ERBIN: variants seen among roughly 807,000 people sequenced by gnomAD.
ERBIN encodes densin-180-like protein.
In ERBIN, 60 loss-of-function variants were observed where a neutral mutation model predicts 158.4. The ratio of observed to expected loss-of-function variants is 0.38; its 90% CI spans 0.31 to 0.47. ERBIN has a LOEUF of 0.47. Ranked by LOEUF, ERBIN falls within the 20% of genes least tolerant of loss-of-function variation. The pLI is 0.99. For missense variants in ERBIN, 1,610 were observed against 1,648.0 expected (o/e 0.98, Z 0.40); for synonymous variants, 594 against 557.2 (o/e 1.07, Z -0.93).
intron 1 of ERBIN, among the ~76,000 whole-genome samples, chr5:65,946,174 G>T (rs1410818637): frequency 1.3e-5 from 2 of 152,044 alleles, no homozygotes; most frequent in African/African-American, 4.8e-5. Context: ...AGACCAGCCT[G>T]GGCAACATGA....
At chr5:65,941,313 TAAA>T (rs1217469941) in intron 1 of ERBIN, among the ~76,000 whole-genome samples, 5,346 of 60,016 alleles carry the variant, frequency 0.089, 312 homozygotes, top group African/African-American at 0.22. Context: ...GAATGATCAA[TAAA>T]AAAAAAAAAA....
chr5:65,944,720 C>T (rs1445140996), intron 1 of ERBIN, among the ~76,000 whole-genome samples: 1 of 152,126 alleles, frequency 6.6e-6, no homozygotes, highest in Non-Finnish European at 1.5e-5. Context: ...TTTTGATTAG[C>T]ATTTCCTTGA....
intron 4 of ERBIN, among the ~76,000 whole-genome samples, chr5:65,999,096 T>A (rs1752756119): frequency 6.6e-6 from 1 of 151,832 alleles, no homozygotes; most frequent in Non-Finnish European, 1.5e-5. Context: ...TGGCTGTGCG[T>A]GGTGGCTCAC....
Position 66,078,582 on chromosome 5 carries a change from T to A in ERBIN, c.*52T>A. ...GACAGCAAGATTTATTGGAAGATAC[T>A]TACAGGGGAAATTAATATTTTGACT... On this transcript the variant is annotated 3_prime_UTR_variant, in exon 26 of 26. Transcript: ENST00000284037. 1 of 1,030,428 alleles carries A rather than the reference T, an allele frequency of 9.7e-7. No individual in the cohort carries two copies. 63.8% of individuals were successfully genotyped at this position (1,030,428 alleles called of 1,614,324 possible). A position where few individuals can be genotyped will look rare whatever the true frequency, so the allele number is the denominator to read the frequency against.
At chr5:66,052,582 G>C (rs147898147) in intron 20 of ERBIN, among the ~76,000 whole-genome samples, 1 of 152,192 alleles carries the variant, frequency 6.6e-6, no homozygotes, top group East Asian at 1.9e-4. Flanking sequence ...CCTAAGCAAG[G>C]AATACAGCAA....
At chr5:66,050,669 T>G (rs1758928473) in intron 19 of ERBIN, 114 bp from the exon 20 acceptor site, 1 of 533,438 alleles carries the variant, frequency 1.9e-6, no homozygotes. Context: ...TCAATATAAT[T>G]TATTACCTCA....
chr5:66,076,591 C>A, intron 24 of ERBIN, 183 bp downstream of exon 24: 1 of 612,836 alleles, frequency 1.6e-6, no homozygotes, highest in Non-Finnish European at 2.8e-6. Context: ...AACAATTTAA[C>A]CAAAAACTAT....
chr5:66,024,279 C>A (rs1285081445), intron 9 of ERBIN, 27 bp from the exon 10 acceptor site: 3 of 1,400,290 alleles, frequency 2.1e-6, no homozygotes, highest in Non-Finnish European at 2.9e-6. Flanking sequence ...TTAATAGAGT[C>A]ATTAGATTTT....
At chr5:65,997,927 T>TACACAC (rs60768327) in intron 4 of ERBIN, among the ~76,000 whole-genome samples, 3 of 150,312 alleles carry the variant, frequency 2.0e-5, no homozygotes, top group South Asian at 2.1e-4. Context: ...GGTGTCTGTC[T>TACACAC]ACACACACAC....
chr5:65,995,416 T>G (rs2151057246), intron 4 of ERBIN, among the ~76,000 whole-genome samples: 1 of 151,378 alleles, frequency 6.6e-6, no homozygotes, highest in African/African-American at 2.4e-5. Flanking sequence ...TTACTTAACA[T>G]AATATCCTCC....
intron 1 of ERBIN, among the ~76,000 whole-genome samples, chr5:65,977,206 C>G (rs1396118381): frequency 3.4e-5 from 5 of 145,750 alleles, no homozygotes; most frequent in African/African-American, 1.4e-4. Flanking sequence ...TGACCCCCCC[C>G]CACCTCCCTC....
intron 21 of ERBIN, among the ~76,000 whole-genome samples, chr5:66,066,714 C>A (rs570651208): frequency 2.0e-5 from 3 of 152,154 alleles, no homozygotes; most frequent in Admixed American, 2.0e-4. Context: ...TTAAGCATTC[C>A]AAACCATAAT....
chr5:65,966,217 T>C (rs1748597610), intron 1 of ERBIN, among the ~76,000 whole-genome samples: 1 of 152,234 alleles, frequency 6.6e-6, no homozygotes, highest in Non-Finnish European at 1.5e-5. Flanking sequence ...ACATGACTCA[T>C]GGGGTTGTGT....
chr5:65,934,723 C>T (rs1295447098), intron 1 of ERBIN, among the ~76,000 whole-genome samples: 1 of 152,148 alleles, frequency 6.6e-6, no homozygotes, highest in Admixed American at 6.5e-5. Flanking sequence ...TTGTAATTAA[C>T]TAATATTTTG....
At chr5:66,019,749 C>T (rs1244088480) in intron 7 of ERBIN, among the ~76,000 whole-genome samples, 1 of 152,100 alleles carries the variant, frequency 6.6e-6, no homozygotes, top group Non-Finnish European at 1.5e-5. Context: ...TTCCAATGCA[C>T]ACCTTTTCAT....
intron 14 of ERBIN, among the ~76,000 whole-genome samples, chr5:66,031,416 C>CTT (rs1305330557): frequency 6.6e-6 from 1 of 152,136 alleles, no homozygotes; most frequent in African/African-American, 2.4e-5. Flanking sequence ...TACTTTAATA[C>CTT]AATGTGGTTA....
chr5:65,966,934 A>T (rs1748705537), intron 1 of ERBIN, among the ~76,000 whole-genome samples: 1 of 150,536 alleles, frequency 6.6e-6, no homozygotes, highest in South Asian at 2.1e-4. Flanking sequence ...TTAAAAAGTT[A>T]AAAAAAAATT....
chr5:66,021,779 A>T (rs771400834), intron 8 of ERBIN, among the ~76,000 whole-genome samples: 2 of 152,100 alleles, frequency 1.3e-5, no homozygotes, highest in Admixed American at 1.3e-4. Context: ...CTTCTCTATA[A>T]TGTTACTTAA....
intron 1 of ERBIN, among the ~76,000 whole-genome samples, chr5:65,935,133 T>C (rs1743924098): frequency 6.6e-6 from 1 of 152,180 alleles, no homozygotes. Flanking sequence ...TTTACATCTA[T>C]TTTTATTTAT....
Sources: allele counts gnomAD v4.1 joint callset (sites outside exome capture counted in the v4.1 genomes callset), GRCh38; gene constraint gnomAD v4.1.1; transcripts MANE v1.5; gene names NCBI Gene and HGNC (gene_info 2026-07-23, HGNC 2026-07-21).